HACE1: variants seen among roughly 807,000 people sequenced by gnomAD.
The protein encoded by HACE1 is HECT domain and ankyrin repeat containing E3 ubiquitin protein ligase 1.
HACE1 carries 73 observed loss-of-function variants against 118.4 expected under a neutral mutation model. The observed-to-expected ratio is 0.62, with a 90% CI of 0.51 to 0.75. The LOEUF (loss-of-function observed/expected upper bound fraction) is 0.75, where lower values mean the gene tolerates loss of function less well. Among genes scored for constraint, HACE1 ranks in the 30% least tolerant of loss-of-function variants. The pLI, the probability that HACE1 is intolerant of heterozygous loss-of-function variation, is 0.00. For missense variants in HACE1, 749 were observed against 1,102.2 expected (o/e 0.68, Z 4.54); for synonymous variants, 368 against 374.8 (o/e 0.98, Z 0.21).
At chr6:104,790,641 C>G (rs1036455568) in intron 11 of HACE1, among the ~76,000 whole-genome samples, 1 of 152,122 alleles carries the variant, frequency 6.6e-6, no homozygotes, top group African/African-American at 2.4e-5. Context: ...CTAGTCCCAG[C>G]TACTGGGGAG....
chr6:104,805,729 T>C (rs1770921649), intron 7 of HACE1, among the ~76,000 whole-genome samples: 1 of 152,006 alleles, frequency 6.6e-6, no homozygotes. Context: ...GGGGGAGGGA[T>C]AGCATTAGGA....
chr6:104,738,055 C>T (rs868420944), intron 22 of HACE1, among the ~76,000 whole-genome samples: 2 of 152,130 alleles, frequency 1.3e-5, no homozygotes, highest in Non-Finnish European at 2.9e-5. Context: ...CCAGCAGGGG[C>T]ACACTGACAC....
chr6:104,816,438 C>G (rs1178107513), intron 6 of HACE1, among the ~76,000 whole-genome samples: 1 of 152,246 alleles, frequency 6.6e-6, no homozygotes, highest in Admixed American at 6.5e-5. Flanking sequence ...GCTCAGGCCA[C>G]TGCTTTAGAG....
At chr6:104,805,438 AG>A (rs1211790645) in intron 7 of HACE1, among the ~76,000 whole-genome samples, 1 of 152,190 alleles carries the variant, frequency 6.6e-6, no homozygotes, top group African/African-American at 2.4e-5. Flanking sequence ...ACAATAGCAA[AG>A]ACTTGCAACC....
At chr6:104,792,180 T>C (rs1339451651) in intron 10 of HACE1, among the ~76,000 whole-genome samples, 2 of 152,122 alleles carry the variant, frequency 1.3e-5, no homozygotes, top group Non-Finnish European at 2.9e-5. Context: ...CATTCACAAA[T>C]TGAAAAATTT....
rs560675944 is a variant in HACE1, at chr6:104,814,138, G to A, written c.535-2745C>T. Among the ~76,000 whole-genome samples the A allele has an allele frequency of 5.1e-5, 7 of 137,302 alleles. No individual in the cohort carries two copies. The East Asian group carries it at 6.5e-4, about 13-fold the overall frequency. The allele number at this position is 137,302 out of a possible 152,430, so 90.1% of individuals were successfully genotyped here. ...AAATAAGAATAAAGAAAAGAAAGGG[G>A]GTGAGGGACCAAAGGGGAATAACCA... On this transcript the variant is annotated intron_variant, in intron 6 of 23. Transcript: ENST00000262903.
intron 19 of HACE1, among the ~76,000 whole-genome samples, chr6:104,752,836 G>A (rs1778207573): frequency 6.6e-6 from 1 of 151,722 alleles, no homozygotes; most frequent in South Asian, 2.1e-4. Flanking sequence ...CAGTAACCCA[G>A]TTCATAGTTA....
intron 1 of HACE1, chr6:104,858,368 C>T: frequency 4.4e-6 from 1 of 225,192 alleles, no homozygotes; most frequent in East Asian, 1.8e-4. Flanking sequence ...TTACCAAAAT[C>T]TGAATTCTAA....
At chr6:104,837,621 C>CA (rs1388648757) in intron 5 of HACE1, among the ~76,000 whole-genome samples, 1 of 152,076 alleles carries the variant, frequency 6.6e-6, no homozygotes, top group Non-Finnish European at 1.5e-5. Flanking sequence ...ATCCATAATG[C>CA]AAAAAACTGA....
At chr6:104,851,999 T>C (rs1222289050) in intron 2 of HACE1, among the ~76,000 whole-genome samples, 1 of 152,342 alleles carries the variant, frequency 6.6e-6, no homozygotes. Context: ...AGTAGTGACC[T>C]CTAAAAGAAA....
At chr6:104,756,286 C>T (rs1175897581) in intron 19 of HACE1, among the ~76,000 whole-genome samples, 1 of 151,560 alleles carries the variant, frequency 6.6e-6, no homozygotes, top group Non-Finnish European at 1.5e-5. Context: ...GTGGTGCATG[C>T]CTGTAGTCTC....
At chr6:104,840,077 G>C (rs1459812593) in intron 5 of HACE1, among the ~76,000 whole-genome samples, 3 of 152,142 alleles carry the variant, frequency 2.0e-5, no homozygotes, top group African/African-American at 7.2e-5. Context: ...TGTCCTTACT[G>C]TAATATTATA....
At chr6:104,821,866 T>C (rs754373075) in intron 6 of HACE1, among the ~76,000 whole-genome samples, 1 of 152,156 alleles carries the variant, frequency 6.6e-6, no homozygotes, top group African/African-American at 2.4e-5. Flanking sequence ...AGTAACTCCC[T>C]ACTAAATAAC....
intron 19 of HACE1, among the ~76,000 whole-genome samples, chr6:104,762,534 G>A (rs895954375): frequency 6.6e-6 from 1 of 151,986 alleles, no homozygotes; most frequent in Non-Finnish European, 1.5e-5. Context: ...GGAACATCAC[G>A]CACCAGGGCC....
At chr6:104,777,539 T>C (rs1213398789) in intron 14 of HACE1, among the ~76,000 whole-genome samples, 1 of 152,222 alleles carries the variant, frequency 6.6e-6, no homozygotes, top group African/African-American at 2.4e-5. Context: ...TTTTTTTAAA[T>C]TCCTACATTT....
chr6:104,838,460 G>A (rs918614310), intron 5 of HACE1, among the ~76,000 whole-genome samples: 18 of 152,044 alleles, frequency 1.2e-4, no homozygotes, highest in Admixed American at 1.1e-3. Context: ...ATTGGAGGTA[G>A]GGACCATCTC....
At chr6:104,761,631 G>T (rs959422788) in intron 19 of HACE1, among the ~76,000 whole-genome samples, 2 of 152,154 alleles carry the variant, frequency 1.3e-5, no homozygotes, top group Admixed American at 1.3e-4. Flanking sequence ...TCAGGACATA[G>T]GCATGGGCAA....
intron 10 of HACE1, among the ~76,000 whole-genome samples, chr6:104,794,772 G>T (rs1391803411): frequency 6.6e-6 from 1 of 152,166 alleles, no homozygotes; most frequent in Non-Finnish European, 1.5e-5. Flanking sequence ...GGGCGTGGTG[G>T]TGTGTGCCTG....
intron 10 of HACE1, among the ~76,000 whole-genome samples, chr6:104,793,706 AAC>A (rs1783315462): frequency 1.3e-5 from 2 of 152,232 alleles, no homozygotes; most frequent in African/African-American, 4.8e-5. Flanking sequence ...TTCACAAATA[AAC>A]ACAAATGAGA....
Sources: allele counts gnomAD v4.1 joint callset (sites outside exome capture counted in the v4.1 genomes callset), GRCh38; gene constraint gnomAD v4.1.1; transcripts MANE v1.5; gene names NCBI Gene and HGNC (gene_info 2026-07-23, HGNC 2026-07-21).